ZNRF2: variants seen among roughly 807,000 people sequenced by gnomAD.
ZNRF2 encodes zinc and ring finger 2, also known as E3 ubiquitin-protein ligase ZNRF2.
ZNRF2 carries 16 observed loss-of-function variants against 20.4 expected under a neutral mutation model. The ratio of observed to expected loss-of-function variants is 0.79; its 90% CI spans 0.53 to 1.19. The LOEUF is 1.19. ZNRF2 is among the 50% of genes most tolerant of loss of function. The probability of loss-of-function intolerance (pLI) is 0.00; values close to 1 mark genes in which losing one functional copy is unlikely to be tolerated. For synonymous variants in ZNRF2, 178 were observed against 144.9 expected, an observed-to-expected ratio of 1.23 and a Z score of -1.64; for missense variants, 363 against 332.4, an observed-to-expected ratio of 1.09 and a Z score of -0.72.
chr7:30,324,246 A>C (rs1379235171), intron 2 of ZNRF2, among the ~76,000 whole-genome samples: 2 of 152,104 alleles, frequency 1.3e-5, no homozygotes, highest in East Asian at 3.9e-4. Context: ...TGAAAAAGGC[A>C]GATATGGCCA....
intron 2 of ZNRF2, among the ~76,000 whole-genome samples, chr7:30,349,504 A>G (rs565159848): frequency 6.6e-6 from 1 of 152,142 alleles, no homozygotes; most frequent in Non-Finnish European, 1.5e-5. Flanking sequence ...TTCTACCACT[A>G]CCCTGTGAGG....
At chr7:30,341,195 T>C (rs1298576252) in intron 2 of ZNRF2, among the ~76,000 whole-genome samples, 1 of 152,170 alleles carries the variant, frequency 6.6e-6, no homozygotes, top group Non-Finnish European at 1.5e-5. Flanking sequence ...CTTGGATTCA[T>C]TGATTTTTTT....
intron 2 of ZNRF2, among the ~76,000 whole-genome samples, chr7:30,332,341 A>G (rs996031273): frequency 1.3e-5 from 2 of 152,208 alleles, no homozygotes; most frequent in Non-Finnish European, 2.9e-5. Context: ...TTTGAGAGGT[A>G]AACATGCTGT....
chr7:30,342,266 C>T (rs1410676955), intron 2 of ZNRF2, among the ~76,000 whole-genome samples: 1 of 152,084 alleles, frequency 6.6e-6, no homozygotes, highest in African/African-American at 2.4e-5. Context: ...TTGATCCTGT[C>T]GTTATGATGC....
intron 2 of ZNRF2, among the ~76,000 whole-genome samples, chr7:30,343,638 G>A (rs991968124): frequency 2.6e-5 from 4 of 151,436 alleles, no homozygotes; most frequent in Non-Finnish European, 2.9e-5. Context: ...CTTGTCAATA[G>A]TAAGATTGTA....
At chr7:30,329,862 G>GT (rs888238457) in intron 2 of ZNRF2, among the ~76,000 whole-genome samples, 25 of 151,944 alleles carry the variant, frequency 1.6e-4, no homozygotes, top group African/African-American at 5.1e-4. Flanking sequence ...TCTCTTTTTC[G>GT]TTTTTTGAGG....
intron 4 of ZNRF2, 115 bp downstream of exon 4, chr7:30,362,571 C>T: frequency 1.9e-6 from 1 of 519,318 alleles, no homozygotes; most frequent in Middle Eastern, 5.3e-4. Flanking sequence ...GTGTATGTTT[C>T]AGACACTTAG....
intron 2 of ZNRF2, among the ~76,000 whole-genome samples, chr7:30,346,217 G>A (rs1334266213): frequency 1.4e-5 from 1 of 70,904 alleles, no homozygotes; most frequent in Non-Finnish European, 2.7e-5. Context: ...GCGTGTGGTG[G>A]CATTTTGCTC....
chr7:30,326,368 A>G (rs1799552166), intron 2 of ZNRF2, among the ~76,000 whole-genome samples: 1 of 152,056 alleles, frequency 6.6e-6, no homozygotes, highest in South Asian at 2.1e-4. Context: ...GCTCCCACTT[A>G]CAAGTGAGAA....
chr7:30,320,927 A>G (rs1212168395), intron 1 of ZNRF2, among the ~76,000 whole-genome samples: 1 of 152,190 alleles, frequency 6.6e-6, no homozygotes, highest in Non-Finnish European at 1.5e-5. Context: ...TGCAAAGATA[A>G]GGCTTATTAA....
intron 1 of ZNRF2, among the ~76,000 whole-genome samples, chr7:30,306,012 G>A (rs1562607248): frequency 1.3e-5 from 2 of 152,064 alleles, no homozygotes; most frequent in Non-Finnish European, 2.9e-5. Context: ...TGGGGCTTTG[G>A]CCCAGTCATC....
intron 1 of ZNRF2, among the ~76,000 whole-genome samples, chr7:30,287,145 A>G (rs1798806884): frequency 6.6e-6 from 1 of 152,176 alleles, no homozygotes; most frequent in Non-Finnish European, 1.5e-5. Context: ...GCTATTTTTA[A>G]AAGTCATTTG....
chr7:30,318,648 C>T (rs1381772721), intron 1 of ZNRF2, among the ~76,000 whole-genome samples: 1 of 152,130 alleles, frequency 6.6e-6, no homozygotes, highest in Non-Finnish European at 1.5e-5. Flanking sequence ...TGTACAAATA[C>T]TGAGTTAAAA....
chr7:30,315,650 A>G (rs955219046), intron 1 of ZNRF2, among the ~76,000 whole-genome samples: 1 of 146,098 alleles, frequency 6.8e-6, no homozygotes, highest in Non-Finnish European at 1.5e-5. Context: ...TTTGTTAGGT[A>G]CACAGTGTGA....
chr7:30,361,120 A>G (rs567322869), intron 3 of ZNRF2, among the ~76,000 whole-genome samples: 3 of 152,320 alleles, frequency 2.0e-5, no homozygotes, highest in South Asian at 4.1e-4. Context: ...AATAGATACT[A>G]TTCAGATATA....
rs930746808 is a variant in ZNRF2, at chr7:30,300,035, T to C, written c.469+14209T>C. ...TCCTGACCTCGTGATGTGCCCGCCT[T>C]GGCCTCCCAAAGTGCAGGGATTACA... On this transcript the variant is annotated intron_variant, in intron 1 of 4. Transcript: ENST00000323037. Among the ~76,000 whole-genome samples, 15 of 151,486 alleles carry C rather than the reference T, an allele frequency of 9.9e-5. No individual in the cohort carries two copies. The East Asian group carries it at 1.6e-3, about 16-fold the overall frequency.
chr7:30,312,859 GT>G (rs1799312700), intron 1 of ZNRF2, among the ~76,000 whole-genome samples: 1 of 152,012 alleles, frequency 6.6e-6, no homozygotes, highest in Non-Finnish European at 1.5e-5. Context: ...TTTCTCTTTT[GT>G]TTATATTTTA....
At chr7:30,316,996 C>T (rs1162358457) in intron 1 of ZNRF2, among the ~76,000 whole-genome samples, 1 of 151,930 alleles carries the variant, frequency 6.6e-6, no homozygotes, top group East Asian at 1.9e-4. Flanking sequence ...TTTATTTGCC[C>T]CCCCTTTTTT....
intron 1 of ZNRF2, among the ~76,000 whole-genome samples, 174 bp from the exon 2 acceptor site, chr7:30,323,468 C>T (rs1343693258): frequency 6.6e-6 from 1 of 152,114 alleles, no homozygotes; most frequent in Non-Finnish European, 1.5e-5. Context: ...TAAACTGATA[C>T]AAAAGTCAGA....
Sources: allele counts gnomAD v4.1 joint callset (sites outside exome capture counted in the v4.1 genomes callset), GRCh38; gene constraint gnomAD v4.1.1; transcripts MANE v1.5; gene names NCBI Gene and HGNC (gene_info 2026-07-23, HGNC 2026-07-21).